The following CHSY1 variants were observed in gnomAD, a reference collection of about 807,000 sequenced individuals.
CHSY1 encodes the protein chondroitin sulfate synthase 1.
A neutral mutation model predicts 59.8 loss-of-function variants in CHSY1; 13 were observed. The ratio of observed to expected loss-of-function variants is 0.22; its 90% CI spans 0.14 to 0.35. The LOEUF (loss-of-function observed/expected upper bound fraction) is 0.35. Ranked by LOEUF, CHSY1 falls within the 10% of genes least tolerant of loss-of-function variation. The probability of loss-of-function intolerance (pLI) is 1.00; values close to 1 mark genes in which losing one functional copy is unlikely to be tolerated. For missense variants in CHSY1, 947 were observed against 1,030.6 expected (o/e 0.92, Z 1.11); for synonymous variants, 459 against 401.2 (o/e 1.14, Z -1.72).
chr15:101,183,937 G>A (rs1203604678), intron 2 of CHSY1, among the ~76,000 whole-genome samples: 1 of 152,242 alleles, frequency 6.6e-6, no homozygotes, highest in Non-Finnish European at 1.5e-5. Context: ...TGGCCAGGAT[G>A]TGTTTTAAAA....
chr15:101,194,571 G>A (rs1420531393), intron 2 of CHSY1, among the ~76,000 whole-genome samples: 1 of 152,160 alleles, frequency 6.6e-6, no homozygotes, highest in Admixed American at 6.5e-5. Context: ...ATTAAATAAA[G>A]CTACATAATA....
At chr15:101,233,514 C>G (rs946401578) in intron 2 of CHSY1, among the ~76,000 whole-genome samples, 1 of 152,122 alleles carries the variant, frequency 6.6e-6, no homozygotes, top group African/African-American at 2.4e-5. Context: ...GGGAAAAATG[C>G]AGAAATATTG....
At chr15:101,226,531 T>C (rs1394107180) in intron 2 of CHSY1, among the ~76,000 whole-genome samples, 1 of 152,084 alleles carries the variant, frequency 6.6e-6, no homozygotes. Context: ...TCCTCAGCAT[T>C]CCCTGCCTCC....
At chr15:101,183,683 C>G (rs755547493) in intron 2 of CHSY1, among the ~76,000 whole-genome samples, 3 of 152,242 alleles carry the variant, frequency 2.0e-5, no homozygotes, top group Non-Finnish European at 2.9e-5. Context: ...AGGCACCACA[C>G]GGACAGCCCT....
chr15:101,250,417 A>C (rs1437704698), intron 1 of CHSY1, among the ~76,000 whole-genome samples: 2 of 152,222 alleles, frequency 1.3e-5, no homozygotes, highest in Non-Finnish European at 2.9e-5. Context: ...CCCTTTGTTA[A>C]ACCTGAACAC....
intron 1 of CHSY1, among the ~76,000 whole-genome samples, chr15:101,238,598 A>G (rs897116204): frequency 1.3e-5 from 2 of 152,272 alleles, no homozygotes; most frequent in Non-Finnish European, 2.9e-5. Flanking sequence ...GCCGGTAACT[A>G]TAAAATGCAT....
At chr15:101,214,596 T>A (rs540918681) in intron 2 of CHSY1, among the ~76,000 whole-genome samples, 2 of 152,334 alleles carry the variant, frequency 1.3e-5, no homozygotes, top group African/African-American at 4.8e-5. Context: ...CGGATTGCAG[T>A]CCCTATGTTG....
chr15:101,235,963 T>C (rs1202655120), intron 1 of CHSY1, among the ~76,000 whole-genome samples: 1 of 152,182 alleles, frequency 6.6e-6, no homozygotes, highest in African/African-American at 2.4e-5. Context: ...AAAATTTTCT[T>C]TGAACCAAGT....
intron 2 of CHSY1, among the ~76,000 whole-genome samples, chr15:101,217,609 A>G (rs2038747678): frequency 6.6e-6 from 1 of 152,172 alleles, no homozygotes; most frequent in African/African-American, 2.4e-5. Flanking sequence ...GTGCAGAAGG[A>G]AGGGATGGAG....
At chr15:101,250,301 G>T (rs910167986) in intron 1 of CHSY1, among the ~76,000 whole-genome samples, 2 of 152,036 alleles carry the variant, frequency 1.3e-5, no homozygotes, top group African/African-American at 4.8e-5. Flanking sequence ...TCCCTTTATC[G>T]AGTCTACAAC....
rs79571285 is a variant in CHSY1 at position 101,196,337 on chromosome 15, T to C, written c.817-17357A>G. Among the ~76,000 whole-genome samples, 499 of 152,298 alleles carry C rather than the reference T, an allele frequency of 3.3e-3. 16 individuals are homozygous for C. The East Asian group carries it at 0.058, about 18-fold the overall frequency. ...TTACACTAGAAGAAATGAAAACATTTTTCTTTGCTGGCTCTTATTCAGGCA... is the reference window on the plus strand; with the variant it reads ...TTACACTAGAAGAAATGAAAACATTCTTCTTTGCTGGCTCTTATTCAGGCA... On this transcript the variant is annotated intron_variant, in intron 2 of 2. Transcript: ENST00000254190.
At chr15:101,202,884 A>G (rs2141255052) in intron 2 of CHSY1, among the ~76,000 whole-genome samples, 1 of 152,348 alleles carries the variant, frequency 6.6e-6, no homozygotes, top group East Asian at 1.9e-4. Context: ...TGAACCAGCT[A>G]TAATTTGGGG....
chr15:101,227,589 G>A (rs1044701690), intron 2 of CHSY1, among the ~76,000 whole-genome samples: 4 of 152,186 alleles, frequency 2.6e-5, no homozygotes, highest in African/African-American at 7.2e-5. Flanking sequence ...AATCTACAAG[G>A]CCACACGCAT....
intron 2 of CHSY1, among the ~76,000 whole-genome samples, chr15:101,193,121 C>T (rs2038465971): frequency 2.0e-5 from 3 of 152,212 alleles, no homozygotes; most frequent in African/African-American, 7.2e-5. Flanking sequence ...GCTCACACCC[C>T]GCAGCCACTG....
intron 2 of CHSY1, among the ~76,000 whole-genome samples, chr15:101,179,597 G>A (rs1430007563): frequency 6.6e-6 from 1 of 152,230 alleles, no homozygotes; most frequent in Non-Finnish European, 1.5e-5. Flanking sequence ...CCCTCTTCAC[G>A]CTGCTGGCCT....
intron 1 of CHSY1, among the ~76,000 whole-genome samples, chr15:101,249,502 T>C (rs1042040830): frequency 2.7e-5 from 4 of 145,688 alleles, no homozygotes; most frequent in Non-Finnish European, 5.9e-5. Flanking sequence ...TATCGATCGA[T>C]AGATAGAATT....
chr15:101,203,727 G>C (rs891841394), intron 2 of CHSY1, among the ~76,000 whole-genome samples: 3 of 152,182 alleles, frequency 2.0e-5, no homozygotes, highest in Admixed American at 1.3e-4. Flanking sequence ...GTGAGGCACT[G>C]AGGACACATC....
At chr15:101,229,525 C>T (rs962490104) in intron 2 of CHSY1, among the ~76,000 whole-genome samples, 3 of 152,066 alleles carry the variant, frequency 2.0e-5, no homozygotes, top group Non-Finnish European at 4.4e-5. Flanking sequence ...CAAATATAAA[C>T]ATATATACAT....
chr15:101,225,394 A>C (rs989993524), intron 2 of CHSY1, among the ~76,000 whole-genome samples: 1 of 152,160 alleles, frequency 6.6e-6, no homozygotes, highest in African/African-American at 2.4e-5. Context: ...GAATATTGAT[A>C]TACGTTTTAA....
Sources: gnomAD v4.1 joint callset for allele counts (sites outside exome capture counted in the v4.1 genomes callset) on GRCh38, gnomAD v4.1.1 for gene constraint, MANE v1.5 for transcripts, NCBI Gene and HGNC (gene_info 2026-07-23, HGNC 2026-07-21) for gene names.